MAP4K4: variants seen among roughly 807,000 people sequenced by gnomAD.
The protein encoded by MAP4K4 is HPK/GCK-like kinase HGK.
MAP4K4 carries 38 observed loss-of-function variants against 189.6 expected under a neutral mutation model. The ratio of observed to expected loss-of-function variants is 0.20; its 90% CI spans 0.15 to 0.26. The LOEUF is 0.26. Ranked by LOEUF, MAP4K4 falls within the 10% of genes least tolerant of loss-of-function variation. The pLI, the probability that MAP4K4 is intolerant of heterozygous loss-of-function variation, is 1.00. For missense variants in MAP4K4, 1,054 were observed against 1,726.9 expected (o/e 0.61, Z 6.91); for synonymous variants, 610 against 624.3 (o/e 0.98, Z 0.34).
chr2:101,794,304 T>A, intron 3 of MAP4K4, among the ~76,000 whole-genome samples: 1 of 152,244 alleles, frequency 6.6e-6, no homozygotes, highest in South Asian at 2.1e-4. Context: ...TACAATATTA[T>A]AACTTAAGTA....
chr2:101,775,034 CTT>C (rs77977516), intron 2 of MAP4K4, among the ~76,000 whole-genome samples: 48 of 128,982 alleles, frequency 3.7e-4, no homozygotes, highest in East Asian at 6.8e-4. Context: ...CCTATCCCCT[CTT>C]TTTTTTTTTT....
rs558318059 is a variant in MAP4K4, at chr2:101,712,942, A to G, written c.123+14404A>G. Among the ~76,000 whole-genome samples, 203 of 143,228 alleles carry G rather than the reference A, an allele frequency of 1.4e-3. 1 individual carries two copies. The highest frequency in any genetic ancestry group is 4.7e-3 in the African/African-American group (179 of 38,272). 94.0% of individuals were successfully genotyped at this position (143,228 alleles called of 152,430 possible). On this transcript the variant is annotated intron_variant, in intron 2 of 32. Transcript: ENST00000324219. The stretch of plus-strand genomic sequence containing the variant: ...TTTTGAGACAGAGTCTCACTCTGTC[A>G]CCCAAGTTGGAGTGCAGTGGGCACC...
intron 22 of MAP4K4, 23 bp downstream of exon 22, chr2:101,869,820 A>T: frequency 6.7e-7 from 1 of 1,502,964 alleles, no homozygotes; most frequent in African/African-American, 1.4e-5. Context: ...TCTCTTTTAG[A>T]GCGGATGAGA....
At chr2:101,704,589 T>G (rs1348597879) in intron 2 of MAP4K4, among the ~76,000 whole-genome samples, 1 of 115,244 alleles carries the variant, frequency 8.7e-6, no homozygotes, top group Non-Finnish European at 1.8e-5. Context: ...TTTTTTTTTT[T>G]TGAGATGGTG....
chr2:101,716,260 G>A (rs533172023), intron 2 of MAP4K4, among the ~76,000 whole-genome samples: 5 of 152,224 alleles, frequency 3.3e-5, no homozygotes, highest in South Asian at 2.1e-4. Flanking sequence ...TGGCTAACAC[G>A]GTGAAACGCC....
intron 12 of MAP4K4, among the ~76,000 whole-genome samples, chr2:101,854,314 A>G (rs1322323934): frequency 6.6e-6 from 1 of 152,214 alleles, no homozygotes; most frequent in African/African-American, 2.4e-5. Context: ...TGGCATAGCC[A>G]TTAAAGTTGT....
intron 12 of MAP4K4, among the ~76,000 whole-genome samples, chr2:101,852,149 TG>T (rs1178521599): frequency 2.6e-5 from 4 of 151,918 alleles, no homozygotes; most frequent in African/African-American, 4.8e-5. Flanking sequence ...TTTTTTTTTT[TG>T]TTTTTATTAG....
At chr2:101,845,871 C>A (rs1334185233) in intron 12 of MAP4K4, among the ~76,000 whole-genome samples, 1 of 152,070 alleles carries the variant, frequency 6.6e-6, no homozygotes, top group African/African-American at 2.4e-5. Context: ...AATGGGCCAA[C>A]AACAGTAAAG....
chr2:101,709,655 A>G (rs2044328719), intron 2 of MAP4K4, among the ~76,000 whole-genome samples: 2 of 152,134 alleles, frequency 1.3e-5, no homozygotes, highest in South Asian at 2.1e-4. Context: ...ATAGCCAGCT[A>G]TTTACCATGT....
chr2:101,757,791 G>A (rs925082807), intron 2 of MAP4K4, among the ~76,000 whole-genome samples: 3 of 152,282 alleles, frequency 2.0e-5, no homozygotes, highest in Admixed American at 6.5e-5. Flanking sequence ...AGGCCGAGGC[G>A]AGTGGATCGC....
chr2:101,703,556 T>G (rs2040249644), intron 2 of MAP4K4, among the ~76,000 whole-genome samples: 1 of 133,688 alleles, frequency 7.5e-6, no homozygotes, highest in Non-Finnish European at 1.5e-5. Context: ...AGGTGGAGGT[T>G]GCAGAGAACT....
intron 27 of MAP4K4, among the ~76,000 whole-genome samples, chr2:101,880,440 A>ATT (rs1559319466): frequency 2.0e-5 from 3 of 152,098 alleles, no homozygotes; most frequent in African/African-American, 7.2e-5. Context: ...AGCATTCATT[A>ATT]AAAAGACTAA....
intron 10 of MAP4K4, among the ~76,000 whole-genome samples, chr2:101,841,416 G>A (rs193262407): frequency 8.6e-5 from 13 of 151,970 alleles, no homozygotes; most frequent in African/African-American, 3.1e-4. Flanking sequence ...AAATTTGTAC[G>A]GAACCATATT....
chr2:101,708,872 C>T lies in MAP4K4; in HGVS notation c.123+10334C>T, dbSNP rs77580795. 4.4e-3 allele frequency among the ~76,000 whole-genome samples: 676 copies of T among 152,204 alleles called. 5 individuals are homozygous for T. The highest frequency in any genetic ancestry group is 0.015 in the African/African-American group (636 of 41,502). On this transcript the variant is annotated intron_variant, in intron 2 of 32. Transcript: ENST00000324219. Reference sequence around the variant, plus strand: ...AATGGAATCCTACAACGTATGGTCGCCTGTGTTTAATGTTTTTGAGGTTCG... The same window carrying T: ...AATGGAATCCTACAACGTATGGTCGTCTGTGTTTAATGTTTTTGAGGTTCG...
chr2:101,791,090 G>A (rs1023132673), intron 3 of MAP4K4, among the ~76,000 whole-genome samples: 2 of 152,196 alleles, frequency 1.3e-5, no homozygotes, highest in Admixed American at 1.3e-4. Flanking sequence ...AGTTTGAAAA[G>A]GGATCATGGA....
intron 3 of MAP4K4, among the ~76,000 whole-genome samples, chr2:101,809,351 GT>G (rs200952315): frequency 0.25 from 36,536 of 147,564 alleles, 5,262 homozygotes; most frequent in Non-Finnish European, 0.31. Flanking sequence ...TTTATTCTTA[GT>G]TTTTTTTTTT....
chr2:101,852,813 C>T (rs2097328685), intron 12 of MAP4K4, among the ~76,000 whole-genome samples: 1 of 152,122 alleles, frequency 6.6e-6, no homozygotes, highest in African/African-American at 2.4e-5. Context: ...CAGATATATG[C>T]TACCTGGGAA....
chr2:101,777,527 T>C (rs1026913120), intron 2 of MAP4K4, among the ~76,000 whole-genome samples: 7 of 152,188 alleles, frequency 4.6e-5, no homozygotes, highest in Admixed American at 3.9e-4. Flanking sequence ...AAGTCATTCA[T>C]CGCCTCCATC....
intron 2 of MAP4K4, among the ~76,000 whole-genome samples, chr2:101,756,484 T>C (rs1038188611): frequency 1.3e-5 from 2 of 152,158 alleles, no homozygotes; most frequent in Admixed American, 1.3e-4. Flanking sequence ...TACAGGTCAT[T>C]AGTGACAGGA....
Sources: allele counts gnomAD v4.1 joint callset (sites outside exome capture counted in the v4.1 genomes callset), GRCh38; gene constraint gnomAD v4.1.1; transcripts MANE v1.5; gene names NCBI Gene and HGNC (gene_info 2026-07-23, HGNC 2026-07-21).